The following KDM3B variants were observed in gnomAD, a reference collection of about 807,000 sequenced individuals.
KDM3B encodes the protein lysine-specific demethylase 3B.
A neutral mutation model predicts 170.0 loss-of-function variants in KDM3B; 10 were observed. The ratio of observed to expected loss-of-function variants is 0.06; its 90% CI spans 0.04 to 0.10. The LOEUF (loss-of-function observed/expected upper bound fraction) is 0.10, where lower values mean the gene tolerates loss of function less well. Among genes scored for constraint, KDM3B ranks in the 10% least tolerant of loss-of-function variants. The pLI is 1.00. For synonymous variants in KDM3B, 831 were observed against 834.8 expected (o/e 1.00, Z 0.08); for missense variants, 1,394 against 2,195.2 (o/e 0.64, Z 7.29).
intron 6 of KDM3B, among the ~76,000 whole-genome samples, chr5:138,385,012 TTTTTGTTTTG>T (rs553969638): frequency 1.6e-3 from 250 of 152,040 alleles, no homozygotes; most frequent in South Asian, 0.013. Flanking sequence ...GCATAACAGT[TTTTTGTTTTG>T]TTTTGTTTTG....
chr5:138,436,420 C>A lies in KDM3B; in HGVS notation c.*720C>A, dbSNP rs947527425. On this transcript the variant is annotated 3_prime_UTR_variant, in exon 24 of 24. Transcript: ENST00000314358. ...GGCACATTACATTTAGTCTTCCTTT[C>A]GATATAAAACTCTTTGAAGAAATAT... 2 of 152,180 alleles carry A rather than the reference C, an allele frequency of 1.3e-5. No individual in the cohort carries two copies. Among genetic ancestry groups the A allele is most frequent in the Non-Finnish European group, 2.9e-5 (2 of 68,042 alleles). The allele number at this position is 152,180 out of a possible 1,614,324, so 9.4% of individuals were successfully genotyped here.
intron 1 of KDM3B, among the ~76,000 whole-genome samples, chr5:138,362,292 G>GA (rs59587225): frequency 0.26 from 38,321 of 147,274 alleles, 5,510 homozygotes; most frequent in East Asian, 0.56. Flanking sequence ...ACTCCAGCCT[G>GA]AAAAAAAAAA....
chr5:138,428,206 T>G lies in KDM3B; in HGVS notation c.4753+120T>G, dbSNP rs549045130. 4.5e-4 allele frequency: 296 copies of G among 650,792 alleles called. 5 individuals are homozygous for G. The South Asian group carries it at 8.8e-3, about 19-fold the overall frequency. The allele number at this position is 650,792 out of a possible 1,614,324, so 40.3% of individuals were successfully genotyped here. ...TTTTTTTTTCTTTTTCTTTTTTCTGTTTTTTTTTTTGGGGGGCGGGGAGGC... is the reference window on the plus strand; with the variant it reads ...TTTTTTTTTCTTTTTCTTTTTTCTGGTTTTTTTTTTGGGGGGCGGGGAGGC... On this transcript the variant is annotated intron_variant, in intron 20 of 23. Coordinates refer to ENST00000314358, the MANE Select transcript of KDM3B (RefSeq NM_016604.4).
At chr5:138,400,065 A>T (rs4835680) in intron 11 of KDM3B, 53 bp downstream of exon 11, 1,178,457 of 1,587,628 alleles carry the variant, frequency 0.74, 439,994 homozygotes, top group South Asian at 0.86. Context: ...GGTATGTCCA[A>T]GATGTTGTGG....
chr5:138,428,104 C>T lies in KDM3B; in HGVS notation c.4753+18C>T. On this transcript the variant is annotated intron_variant, in intron 20 of 23. Coordinates refer to ENST00000314358, the MANE Select transcript of KDM3B (RefSeq NM_016604.4). The stretch of plus-strand genomic sequence containing the variant: ...TGATGAAGGTATGCTTTCTAGAATC[C>T]ACTGCTTTAGGATGGTGAGGCTTTG... 1 of 1,612,394 alleles carries T rather than the reference C, an allele frequency of 6.2e-7. No individual in the cohort carries two copies.
At chr5:138,369,151 C>CTGG (rs1428442214) in intron 1 of KDM3B, among the ~76,000 whole-genome samples, 1 of 152,116 alleles carries the variant, frequency 6.6e-6, no homozygotes, top group African/African-American at 2.4e-5. Context: ...CTGAGGACAC[C>CTGG]TGGTAGAGTA....
intron 21 of KDM3B, 102 bp downstream of exon 21, chr5:138,430,067 G>T: frequency 6.7e-7 from 1 of 1,484,082 alleles, no homozygotes; most frequent in Non-Finnish European, 9.1e-7. Flanking sequence ...TGGCATTAAA[G>T]ACTTGTTGGC....
intron 2 of KDM3B, among the ~76,000 whole-genome samples, chr5:138,374,519 A>G (rs2126924997): frequency 6.6e-6 from 1 of 152,048 alleles, no homozygotes; most frequent in Middle Eastern, 3.4e-3. Flanking sequence ...CGGCCTCCCA[A>G]AGTGCTGGGA....
chr5:138,384,718 G>A (rs991592865), intron 6 of KDM3B, among the ~76,000 whole-genome samples: 5 of 134,250 alleles, frequency 3.7e-5, no homozygotes, highest in South Asian at 4.8e-4. Flanking sequence ...CAGCCTGCAC[G>A]ACAAGAGCGA....
At position 138,353,021 on chromosome 5, in the gene KDM3B, G is replaced by C. The variant is rs574734811; in HGVS notation, c.192+34G>C. The C allele has an allele frequency of 1.0e-4, 123 of 1,213,736 alleles. 1 individual carries two copies. In the South Asian group the frequency reaches 4.4e-3, roughly 43 times the overall value. The allele number at this position is 1,213,736 out of a possible 1,614,324, so 75.2% of individuals were successfully genotyped here. On this transcript the variant is annotated intron_variant, in intron 1 of 23. Transcript: ENST00000314358. Reference sequence around the variant, plus strand: ...CGGCCGAGTCGGGCACTCGAGGCCGGGGCTGCGGGGCCTGCGGGCGGCCTC... The same window carrying C: ...CGGCCGAGTCGGGCACTCGAGGCCGCGGCTGCGGGGCCTGCGGGCGGCCTC...
intron 9 of KDM3B, 41 bp from the exon 10 acceptor site, chr5:138,398,137 C>T (rs374098948): frequency 1.7e-4 from 253 of 1,484,864 alleles, no homozygotes; most frequent in Non-Finnish European, 2.1e-4. Flanking sequence ...TGTTAGTTTG[C>T]GTTGCTCCTG....
In KDM3B at chr5:138,358,380, C is replaced by T. The variant is rs571754660; in HGVS notation, c.192+5393C>T. Among the ~76,000 whole-genome samples the T allele has an allele frequency of 6.1e-5, 9 of 147,866 alleles. No individual in the cohort carries two copies. In the South Asian group the frequency reaches 1.7e-3, roughly 29 times the overall value. ...AGTGCAGTGGCGCGATCTCAGCTCA[C>T]TGCAACCTCTCTCTCCCAGATTCAA... On this transcript the variant is annotated intron_variant, in intron 1 of 23. Coordinates refer to ENST00000314358, the MANE Select transcript of KDM3B (RefSeq NM_016604.4).
intron 15 of KDM3B, among the ~76,000 whole-genome samples, chr5:138,422,676 A>G (rs1157331684): frequency 6.6e-6 from 1 of 152,094 alleles, no homozygotes; most frequent in Non-Finnish European, 1.5e-5. Context: ...TCGACTGAAA[A>G]GTTTCCTTTG....
At chr5:138,385,045 G>T (rs761361358) in intron 6 of KDM3B, among the ~76,000 whole-genome samples, 37 of 151,588 alleles carry the variant, frequency 2.4e-4, no homozygotes, top group Admixed American at 3.3e-4. Context: ...TTTTGATAAG[G>T]AGTTTCCCTC....
At chr5:138,424,742 A>G (rs941042303) in intron 16 of KDM3B, among the ~76,000 whole-genome samples, 3 of 152,170 alleles carry the variant, frequency 2.0e-5, no homozygotes, top group Non-Finnish European at 4.4e-5. Flanking sequence ...TCATACCACT[A>G]CATTCCAGCC....
Position 138,398,479 on chromosome 5 carries a change from G to A in KDM3B, c.3046+87G>A, listed in dbSNP as rs111842022. 6.5e-4 allele frequency: 739 copies of A among 1,145,642 alleles called. 2 individuals are homozygous for A. In the African/African-American group the frequency reaches 7.8e-3, roughly 12 times the overall value. 71.0% of individuals were successfully genotyped at this position (1,145,642 alleles called of 1,614,324 possible). ...CTTAACGGGAAGATTGGGGACAGTG[G>A]CAGATGGCATTTTCTGTGAATGAAT... On this transcript the variant is annotated intron_variant, in intron 10 of 23. Transcript: ENST00000314358.
intron 1 of KDM3B, among the ~76,000 whole-genome samples, chr5:138,363,548 AT>A (rs1018246350): frequency 1.3e-5 from 2 of 151,564 alleles, no homozygotes; most frequent in African/African-American, 2.4e-5. Context: ...TATTCTAATA[AT>A]TTTTTTTTCT....
chr5:138,419,718 T>TACACACATACAC (rs1554131140), intron 14 of KDM3B, among the ~76,000 whole-genome samples: 3 of 63,688 alleles, frequency 4.7e-5, no homozygotes, highest in Non-Finnish European at 8.5e-5. Flanking sequence ...CACATATATA[T>TACACACATACAC]ACACACACAT....
intron 1 of KDM3B, among the ~76,000 whole-genome samples, chr5:138,362,042 G>T (rs114297724): frequency 6.6e-6 from 1 of 152,100 alleles, no homozygotes; most frequent in Non-Finnish European, 1.5e-5. Flanking sequence ...ACTCTAGGCC[G>T]GGCGCTGTGG....
Sources: gnomAD v4.1 joint callset for allele counts (sites outside exome capture counted in the v4.1 genomes callset) on GRCh38, gnomAD v4.1.1 for gene constraint, MANE v1.5 for transcripts, NCBI Gene and HGNC (gene_info 2026-07-23, HGNC 2026-07-21) for gene names.